Variants in CNTNAP5 observed in about 807,000 individuals in gnomAD.
CNTNAP5 encodes the protein contactin associated protein family member 5, also known as contactin-associated protein-like 5.
Under a neutral mutation model 150.2 loss-of-function variants are expected in CNTNAP5, and 72 were observed. The observed-to-expected ratio is 0.48, with a 90% CI of 0.40 to 0.58. The LOEUF (loss-of-function observed/expected upper bound fraction) is 0.58, where lower values mean the gene tolerates loss of function less well. Among genes scored for constraint, CNTNAP5 ranks in the 20% least tolerant of loss-of-function variants. CNTNAP5 has a pLI of 0.00. For missense variants in CNTNAP5, 1,636 were observed against 1,626.2 expected, an observed-to-expected ratio of 1.01 and a Z score of -0.10; for synonymous variants, 672 against 619.8, an observed-to-expected ratio of 1.08 and a Z score of -1.25.
At chr2:124,477,516 C>T (rs753624219) in intron 7 of CNTNAP5, among the ~76,000 whole-genome samples, 5 of 152,078 alleles carry the variant, frequency 3.3e-5, no homozygotes, top group African/African-American at 4.8e-5. Flanking sequence ...GGATTAATTA[C>T]CTCACTGGCT....
intron 3 of CNTNAP5, among the ~76,000 whole-genome samples, chr2:124,344,757 A>T (rs1261134604): frequency 6.6e-6 from 1 of 152,108 alleles, no homozygotes; most frequent in East Asian, 1.9e-4. Flanking sequence ...CCCTGCCTCA[A>T]AACAAACAAA....
At chr2:124,797,431 C>T (rs991817807) in intron 18 of CNTNAP5, among the ~76,000 whole-genome samples, 3 of 152,172 alleles carry the variant, frequency 2.0e-5, no homozygotes, top group Admixed American at 6.5e-5. Context: ...ATAGGAAAGC[C>T]TATTTACCCA....
chr2:124,742,565 C>G (rs1244566784), intron 13 of CNTNAP5, among the ~76,000 whole-genome samples: 1 of 151,790 alleles, frequency 6.6e-6, no homozygotes, highest in Admixed American at 6.6e-5. Context: ...CACTCTAAAA[C>G]AAATACTTTC....
At chr2:124,439,194 G>A (rs1241051932) in intron 5 of CNTNAP5, among the ~76,000 whole-genome samples, 1 of 152,084 alleles carries the variant, frequency 6.6e-6, no homozygotes, top group African/African-American at 2.4e-5. Context: ...ATGGAGAGGG[G>A]AGAAAAACAG....
chr2:124,743,358 G>A (rs974042769), intron 13 of CNTNAP5, among the ~76,000 whole-genome samples: 1 of 152,176 alleles, frequency 6.6e-6, no homozygotes, highest in African/African-American at 2.4e-5. Flanking sequence ...CCACAGCAAA[G>A]AAGTCAGAAT....
intron 1 of CNTNAP5, among the ~76,000 whole-genome samples, chr2:124,092,889 C>T (rs1682848301): frequency 6.6e-6 from 1 of 152,116 alleles, no homozygotes; most frequent in Non-Finnish European, 1.5e-5. Flanking sequence ...AACAATGAAA[C>T]AGGGAAATAG....
At chr2:124,874,187 T>TC (rs1677807679) in intron 21 of CNTNAP5, among the ~76,000 whole-genome samples, 1 of 152,116 alleles carries the variant, frequency 6.6e-6, no homozygotes, top group Admixed American at 6.6e-5. Context: ...CAAGGTTTAT[T>TC]CTTTGGTTTA....
rs1185665602 is a variant in CNTNAP5 at position 124,148,951 on chromosome 2, C to T, written c.83-72754C>T. On this transcript the variant is annotated intron_variant, in intron 1 of 23. Coordinates refer to ENST00000682447, the MANE Select transcript of CNTNAP5 (RefSeq NM_001367498.1). ...GTATGTATATATACACATATATAGG[C>T]ACACACACTCAAATATATATACATG... Among the ~76,000 whole-genome samples, 106 of 151,946 alleles carry T rather than the reference C, an allele frequency of 7.0e-4. 1 individual carries two copies. The highest frequency in any genetic ancestry group is 1.2e-4 in the Non-Finnish European group (8 of 67,966).
At chr2:124,633,961 AG>A (rs1230744951) in intron 12 of CNTNAP5, among the ~76,000 whole-genome samples, 1 of 152,150 alleles carries the variant, frequency 6.6e-6, no homozygotes, top group Admixed American at 6.5e-5. Flanking sequence ...CAGGCTACAC[AG>A]GGCAGTGGGG....
intron 14 of CNTNAP5, among the ~76,000 whole-genome samples, chr2:124,750,137 C>T (rs1680694260): frequency 6.6e-6 from 1 of 152,158 alleles, no homozygotes; most frequent in Non-Finnish European, 1.5e-5. Flanking sequence ...TCCTTTAGAG[C>T]CAGGGACTAT....
intron 4 of CNTNAP5, among the ~76,000 whole-genome samples, chr2:124,423,652 C>CTT (rs1187961580): frequency 0.34 from 14,294 of 41,472 alleles, 5,596 homozygotes; most frequent in Middle Eastern, 0.5. Context: ...GGCTAATTAA[C>CTT]TTTTTTTTTT....
At chr2:124,759,770 C>A (rs1680918298) in intron 14 of CNTNAP5, among the ~76,000 whole-genome samples, 1 of 151,894 alleles carries the variant, frequency 6.6e-6, no homozygotes, top group South Asian at 2.1e-4. Flanking sequence ...AACAAGATTG[C>A]AGATGTGGTC....
intron 13 of CNTNAP5, among the ~76,000 whole-genome samples, chr2:124,709,693 G>A (rs948227007): frequency 1.4e-4 from 21 of 152,198 alleles, no homozygotes; most frequent in South Asian, 6.2e-4. Context: ...AAGTTAATAC[G>A]TGGTCCTAAT....
chr2:124,510,836 T>C (rs961199452), intron 8 of CNTNAP5, among the ~76,000 whole-genome samples: 1 of 152,156 alleles, frequency 6.6e-6, no homozygotes, highest in Non-Finnish European at 1.5e-5. Flanking sequence ...AGAGAACACC[T>C]TCTAGGAGTC....
intron 18 of CNTNAP5, among the ~76,000 whole-genome samples, chr2:124,792,424 A>G (rs1423264804): frequency 2.6e-5 from 4 of 152,058 alleles, no homozygotes; most frequent in African/African-American, 9.7e-5. Flanking sequence ...TTTTTTCTTT[A>G]TGACCCTAAT....
intron 1 of CNTNAP5, among the ~76,000 whole-genome samples, chr2:124,172,927 A>G (rs1684970152): frequency 6.6e-6 from 1 of 152,140 alleles, no homozygotes. Context: ...ATGTTTTTGG[A>G]AACCCTGAAA....
At chr2:124,758,517 C>T (rs1430465588) in intron 14 of CNTNAP5, among the ~76,000 whole-genome samples, 1 of 151,644 alleles carries the variant, frequency 6.6e-6, no homozygotes, top group Non-Finnish European at 1.5e-5. Flanking sequence ...AAGTGAAGGA[C>T]ATTAGGGGCC....
intron 1 of CNTNAP5, among the ~76,000 whole-genome samples, chr2:124,129,397 G>T (rs1683792772): frequency 6.6e-6 from 1 of 152,082 alleles, no homozygotes; most frequent in Non-Finnish European, 1.5e-5. Flanking sequence ...AGCCAGGCTG[G>T]GCTAAGAACT....
chr2:124,548,468 A>G (rs1695562157), intron 10 of CNTNAP5, among the ~76,000 whole-genome samples: 1 of 152,222 alleles, frequency 6.6e-6, no homozygotes, highest in Admixed American at 6.5e-5. Context: ...CAAGGACAGG[A>G]CACTGATGAA....
Sources: allele counts gnomAD v4.1 joint callset (sites outside exome capture counted in the v4.1 genomes callset), GRCh38; gene constraint gnomAD v4.1.1; transcripts MANE v1.5; gene names NCBI Gene and HGNC (gene_info 2026-07-23, HGNC 2026-07-21).